TPTE: variants seen among roughly 807,000 people sequenced by gnomAD.
TPTE encodes the protein putative tyrosine-protein phosphatase TPTE.
TPTE carries 59 observed loss-of-function variants against 84.1 expected under a neutral mutation model. The observed-to-expected ratio is 0.70, with a 90% CI of 0.57 to 0.87. The LOEUF is 0.87. Ranked by LOEUF, TPTE falls within the 40% of genes least tolerant of loss-of-function variation. The probability of loss-of-function intolerance (pLI) is 0.00; values close to 1 mark genes in which losing one functional copy is unlikely to be tolerated. For synonymous variants in TPTE, 130 were observed against 223.5 expected (o/e 0.58, Z 3.73); for missense variants, 382 against 659.6 (o/e 0.58, Z 4.61).
rs1157508323 is a variant in TPTE, at chr21:10,542,420, G to GC, written c.92dup (p.Thr32AsnfsTer14). 1 of 1,611,926 alleles carries GC rather than the reference G, an allele frequency of 6.2e-7. No individual in the cohort carries two copies. Among genetic ancestry groups the GC allele is most frequent in the East Asian group, 2.2e-5 (1 of 44,824 alleles). On this transcript the variant is annotated frameshift_variant, in exon 6 of 24. Coordinates refer to ENST00000618007, the MANE Select transcript of TPTE (RefSeq NM_199261.4). LOFTEE classifies it high-confidence loss of function. ...TCCACAGACAAGTGAATTTAAAGGA[G>GC]CAACCGAGGAGGCACCTGCGAAAGA...
At chr21:10,527,751 T>C (rs1430312966) in intron 3 of TPTE, among the ~76,000 whole-genome samples, 1 of 152,310 alleles carries the variant, frequency 6.6e-6, no homozygotes, top group Non-Finnish European at 1.5e-5. Flanking sequence ...AGAGACCCTG[T>C]ATCTGTCCCT....
At chr21:10,526,235 G>T (rs2074076564) in intron 2 of TPTE, among the ~76,000 whole-genome samples, 1 of 152,308 alleles carries the variant, frequency 6.6e-6, no homozygotes, top group African/African-American at 2.4e-5. Flanking sequence ...AACTTGAAAG[G>T]TTCCCCTCAT....
At chr21:10,569,148 GA>G (rs1179741888) in intron 11 of TPTE, among the ~76,000 whole-genome samples, 1 of 152,312 alleles carries the variant, frequency 6.6e-6, no homozygotes, top group Non-Finnish European at 1.5e-5. Flanking sequence ...TTTTGGGCCA[GA>G]TGATTGTCAT....
intron 21 of TPTE, among the ~76,000 whole-genome samples, chr21:10,599,543 T>C (rs531390238): frequency 6.6e-6 from 1 of 152,422 alleles, no homozygotes; most frequent in Non-Finnish European, 1.5e-5. Flanking sequence ...TTAGATAATA[T>C]ATATAAAGTT....
chr21:10,533,624 A>C (rs2074217484), intron 3 of TPTE, among the ~76,000 whole-genome samples: 1 of 152,302 alleles, frequency 6.6e-6, no homozygotes, highest in African/African-American at 2.4e-5. Context: ...TTTTCCTTTC[A>C]AAAGTGTCCT....
At chr21:10,554,864 C>G (rs1230522195) in intron 8 of TPTE, among the ~76,000 whole-genome samples, 1 of 152,302 alleles carries the variant, frequency 6.6e-6, no homozygotes, top group African/African-American at 2.4e-5. Flanking sequence ...ATAGTTTTTT[C>G]AGCATGAACA....
chr21:10,546,095 C>A (rs1442312973), intron 7 of TPTE, among the ~76,000 whole-genome samples: 5 of 152,424 alleles, frequency 3.3e-5, no homozygotes, highest in Middle Eastern at 3.4e-3. Context: ...TTTGTAGCAA[C>A]CCTACATTGA....
intron 3 of TPTE, among the ~76,000 whole-genome samples, chr21:10,537,475 G>A (rs1249444911): frequency 2.6e-5 from 4 of 152,278 alleles, no homozygotes; most frequent in Admixed American, 2.0e-4. Flanking sequence ...TCAGGAGATC[G>A]ACACCATCCT....
intron 10 of TPTE, among the ~76,000 whole-genome samples, chr21:10,564,601 A>G (rs1306724964): frequency 6.6e-6 from 1 of 152,306 alleles, no homozygotes; most frequent in Non-Finnish European, 1.5e-5. Flanking sequence ...AAAAATCCTC[A>G]ACAAGATACT....
intron 7 of TPTE, among the ~76,000 whole-genome samples, chr21:10,549,176 G>A (rs1488965967): frequency 2.0e-5 from 3 of 152,304 alleles, no homozygotes; most frequent in Non-Finnish European, 4.4e-5. Flanking sequence ...GTAGAACCAA[G>A]GCCGGTATAC....
intron 21 of TPTE, among the ~76,000 whole-genome samples, chr21:10,601,728 C>A (rs1271545951): frequency 2.0e-5 from 3 of 152,310 alleles, no homozygotes; most frequent in Admixed American, 6.5e-5. Flanking sequence ...TGGCATGTGC[C>A]TATAGTCCCA....
intron 3 of TPTE, among the ~76,000 whole-genome samples, chr21:10,528,507 T>A (rs1165943771): frequency 6.6e-6 from 1 of 152,312 alleles, no homozygotes; most frequent in Non-Finnish European, 1.5e-5. Context: ...AATAAGTTGG[T>A]CATATCACCG....
At chr21:10,576,333 G>C in intron 14 of TPTE, 1 of 239,896 alleles carries the variant, frequency 4.2e-6, no homozygotes, top group South Asian at 5.3e-5. Flanking sequence ...GTTCAGAAGT[G>C]TGCCCAGTGC....
chr21:10,563,141 A>G (rs894774684), intron 10 of TPTE, among the ~76,000 whole-genome samples: 1 of 152,310 alleles, frequency 6.6e-6, no homozygotes, highest in Non-Finnish European at 1.5e-5. Flanking sequence ...CATTTACCCT[A>G]GAACAGTGTA....
chr21:10,546,707 GC>G (rs1355972042), intron 7 of TPTE, among the ~76,000 whole-genome samples: 1 of 152,310 alleles, frequency 6.6e-6, no homozygotes, highest in Non-Finnish European at 1.5e-5. Flanking sequence ...GATCAAACCG[GC>G]CACAGCATTC....
intron 2 of TPTE, among the ~76,000 whole-genome samples, chr21:10,526,938 T>G (rs1469046501): frequency 6.6e-6 from 1 of 152,306 alleles, no homozygotes; most frequent in Non-Finnish European, 1.5e-5. Flanking sequence ...CATATAACTT[T>G]AAAAAAATGA....
At chr21:10,531,702 T>A (rs1413276562) in intron 3 of TPTE, among the ~76,000 whole-genome samples, 1 of 152,310 alleles carries the variant, frequency 6.6e-6, no homozygotes, top group Non-Finnish European at 1.5e-5. Flanking sequence ...TTCATTCTCT[T>A]CATGAAATAA....
At chr21:10,558,503 A>G (rs568598069) in intron 8 of TPTE, among the ~76,000 whole-genome samples, 1 of 152,424 alleles carries the variant, frequency 6.6e-6, no homozygotes, top group African/African-American at 2.4e-5. Context: ...CTAATCTGTG[A>G]TATTGAGCTT....
intron 2 of TPTE, among the ~76,000 whole-genome samples, chr21:10,526,490 A>G (rs796816076): frequency 2.0e-5 from 3 of 152,424 alleles, no homozygotes; most frequent in African/African-American, 7.2e-5. Flanking sequence ...TCTGTGGTCA[A>G]ATAGGTTAAG....
Sources: allele counts gnomAD v4.1 joint callset (sites outside exome capture counted in the v4.1 genomes callset), GRCh38; gene constraint gnomAD v4.1.1; transcripts MANE v1.5; gene names NCBI Gene and HGNC (gene_info 2026-07-23, HGNC 2026-07-21).